The following POLGARF variants were observed in gnomAD, a reference collection of about 807,000 sequenced individuals.
POLGARF encodes POLG alternative reading frame.
At chr15:89,333,096 C>G in the POLGARF span, 1 of 1,511,802 alleles carries the variant, frequency 6.6e-7, no homozygotes, top group Admixed American at 2.3e-5. Context: ...CCCTACTTAC[C>G]AGGCCGAGGG....
chr15:89,333,461 G>T, the POLGARF span: 1 of 1,611,272 alleles, frequency 6.2e-7, no homozygotes. Context: ...GGCGCACCGC[G>T]GCCTCGCCAG....
the POLGARF span, chr15:89,332,953 A>G: frequency 6.5e-6 from 7 of 1,083,090 alleles, no homozygotes; most frequent in Admixed American, 1.9e-4. Context: ...CCACATAAAC[A>G]GGGGTCTAGT....
the POLGARF span, chr15:89,333,256 G>A: frequency 6.4e-7 from 1 of 1,565,048 alleles, no homozygotes; most frequent in Middle Eastern, 1.7e-4. Flanking sequence ...GCCCAAGCCG[G>A]GGGCTTCGGG....
At chr15:89,333,038 C>CA in the POLGARF span, 1 of 1,492,188 alleles carries the variant, frequency 6.7e-7, no homozygotes, top group Non-Finnish European at 8.9e-7. Context: ...TTCACTGAAA[C>CA]AAACTATTAA....
the POLGARF span, chr15:89,332,102 T>C: frequency 6.6e-6 from 1 of 152,234 alleles, no homozygotes; most frequent in Non-Finnish European, 1.5e-5. Flanking sequence ...TGGCCGATAT[T>C]CCCCTTTACT....
chr15:89,330,394 G>A, the POLGARF span: 2 of 817,368 alleles, frequency 2.4e-6, no homozygotes, highest in Non-Finnish European at 4.1e-6. Flanking sequence ...GGGGACACAA[G>A]TGAGACCAAA....
the POLGARF span, among the ~76,000 whole-genome samples, chr15:89,332,008 G>C: frequency 6.6e-6 from 1 of 152,172 alleles, no homozygotes; most frequent in Non-Finnish European, 1.5e-5. Flanking sequence ...TAAAATGACC[G>C]ACAGATCAAA....
chr15:89,333,140 C>T, the POLGARF span: 3 of 1,530,954 alleles, frequency 2.0e-6, no homozygotes, highest in Non-Finnish European at 1.8e-6. Flanking sequence ...GGCAAGTTCC[C>T]TCTGCCAAGC....
At chr15:89,333,196 C>T in the POLGARF span, 1 of 1,571,338 alleles carries the variant, frequency 6.4e-7, no homozygotes. Flanking sequence ...GGGATGGCCA[C>T]GGGTACGGCC....
chr15:89,333,265 G>T, the POLGARF span: 4 of 1,561,482 alleles, frequency 2.6e-6, no homozygotes, highest in Non-Finnish European at 2.6e-6. Flanking sequence ...GGGGGCTTCG[G>T]GGGCAGCTGG....
At chr15:89,331,158 A>C in the POLGARF span, among the ~76,000 whole-genome samples, 1 of 152,158 alleles carries the variant, frequency 6.6e-6, no homozygotes, top group Non-Finnish European at 1.5e-5. Context: ...AAAAGGGAGT[A>C]TCTGCCTCAA....
At chr15:89,330,213 C>T in the POLGARF span, 4 of 1,613,588 alleles carry the variant, frequency 2.5e-6, no homozygotes, top group East Asian at 2.2e-5. Context: ...TGAGGTCAGC[C>T]GGCGACAGCT....
the POLGARF span, chr15:89,330,293 G>A: frequency 6.3e-7 from 1 of 1,599,910 alleles, no homozygotes. Context: ...GAGGTGAGAG[G>A]CAGGCAGGTT....
the POLGARF span, chr15:89,330,292 G>A: frequency 3.1e-6 from 5 of 1,601,438 alleles, no homozygotes; most frequent in Non-Finnish European, 4.3e-6. Flanking sequence ...GGAGGTGAGA[G>A]GCAGGCAGGT....
At chr15:89,333,766 G>A in the POLGARF span, 3 of 1,535,000 alleles carry the variant, frequency 2.0e-6, no homozygotes, top group African/African-American at 1.4e-5. Flanking sequence ...GTTGGTGCAG[G>A]GACCCCCACG....
the POLGARF span, chr15:89,330,425 G>A: frequency 1.4e-6 from 1 of 711,858 alleles, no homozygotes; most frequent in Non-Finnish European, 2.5e-6. Flanking sequence ...AACTCAAACA[G>A]CTACAGGTCA....
At chr15:89,333,471 G>C in the POLGARF span, 4 of 1,612,112 alleles carry the variant, frequency 2.5e-6, no homozygotes, top group South Asian at 4.4e-5. Flanking sequence ...GGCCTCGCCA[G>C]GCATCTCCCC....
At chr15:89,332,982 C>T in the POLGARF span, 14 of 1,358,112 alleles carry the variant, frequency 1.0e-5, no homozygotes, top group East Asian at 3.0e-4. Context: ...AACACATCAG[C>T]GCTCCCTACG....
the POLGARF span, chr15:89,330,225 G>C: frequency 6.2e-7 from 1 of 1,613,262 alleles, no homozygotes; most frequent in Non-Finnish European, 8.5e-7. Context: ...GCGACAGCTG[G>C]CTGGTCCAAG....
Sources: gnomAD v4.1 joint callset for allele counts (sites outside exome capture counted in the v4.1 genomes callset) on GRCh38, gnomAD v4.1.1 for gene constraint, MANE v1.5 for transcripts, NCBI Gene and HGNC (gene_info 2026-07-23, HGNC 2026-07-21) for gene names.